The following WBP11 variants were observed in gnomAD, a reference collection of about 807,000 sequenced individuals.
The protein encoded by WBP11 is WW domain binding protein 11.
WBP11 carries 12 observed loss-of-function variants against 66.7 expected under a neutral mutation model. The observed-to-expected ratio is 0.18, with a 90% CI of 0.12 to 0.29. The LOEUF (loss-of-function observed/expected upper bound fraction) is 0.29, where lower values mean the gene tolerates loss of function less well. Ranked by LOEUF, WBP11 falls within the 10% of genes least tolerant of loss-of-function variation. WBP11 has a pLI of 1.00. For missense variants in WBP11, 555 were observed against 818.3 expected (o/e 0.68, Z 3.93); for synonymous variants, 255 against 273.8 (o/e 0.93, Z 0.68).
intron 11 of WBP11, 66 bp downstream of exon 11, chr12:14,788,885 A>G (rs567430352): frequency 7.7e-5 from 67 of 865,478 alleles, no homozygotes; most frequent in African/African-American, 6.7e-4. Flanking sequence ...AAATGTGACC[A>G]TATGTCTTAG....
chr12:14,803,316 G>T, intron 1 of WBP11, 36 bp downstream of exon 1: 1 of 397,726 alleles, frequency 2.5e-6, no homozygotes, highest in Non-Finnish European at 4.4e-6. Context: ...GACGAAAGAG[G>T]TGAGGAAGAG....
chr12:14,798,053 T>C (rs999576729), intron 4 of WBP11, among the ~76,000 whole-genome samples: 1 of 152,240 alleles, frequency 6.6e-6, no homozygotes, highest in Non-Finnish European at 1.5e-5. Context: ...TTATAAATTG[T>C]AACTAGACCC....
chr12:14,789,258 GAAACA>G (rs1424662948), intron 10 of WBP11, 125 bp from the exon 11 acceptor site: 38 of 882,908 alleles, frequency 4.3e-5, no homozygotes, highest in Non-Finnish European at 6.3e-5. Context: ...AGAAGTTAAT[GAAACA>G]TACATGGAAA....
intron 3 of WBP11, among the ~76,000 whole-genome samples, chr12:14,800,039 T>C (rs1949941054): frequency 6.6e-6 from 1 of 152,182 alleles, no homozygotes; most frequent in Non-Finnish European, 1.5e-5. Context: ...CCTTGGGTGA[T>C]TGTTCCTGCC....
At chr12:14,800,635 G>T in intron 3 of WBP11, 117 bp downstream of exon 3, 1 of 1,007,672 alleles carries the variant, frequency 9.9e-7, no homozygotes, top group Non-Finnish European at 1.5e-6. Context: ...TTTATAAAAA[G>T]CATAAAGTAC....
At chr12:14,801,031 A>G in intron 2 of WBP11, 2 of 473,218 alleles carry the variant, frequency 4.2e-6, no homozygotes, top group Non-Finnish European at 7.4e-6. Flanking sequence ...AACATAACAT[A>G]AAACGCGAAA....
At chr12:14,794,875 A>C in intron 6 of WBP11, 96 bp downstream of exon 6, 1 of 1,599,392 alleles carries the variant, frequency 6.3e-7, no homozygotes. Flanking sequence ...GTTTACATCC[A>C]TATTGTCTTT....
chr12:14,794,756 A>G lies in WBP11; in HGVS notation c.522-20T>C. ...GGAGGTCTGTTAAAAAAAAAAACAA[A>G]AACAAAAAAACCCCCACAGTAATCA... On this transcript the variant is annotated intron_variant, in intron 6 of 11. Coordinates refer to ENST00000261167, the MANE Select transcript of WBP11 (RefSeq NM_016312.3). The G allele has an allele frequency of 6.5e-7, 1 of 1,535,140 alleles. No homozygotes were observed. The highest frequency in any genetic ancestry group is 1.3e-5 in the South Asian group (1 of 76,846).
chr12:14,785,413 T>TA lies in WBP11; in HGVS notation c.*1651_*1652insT, dbSNP rs1949742153. 6.6e-6 allele frequency: 1 copy of TA among 152,220 alleles called. No homozygotes were observed. The highest frequency in any genetic ancestry group is 1.5e-5 in the Non-Finnish European group (1 of 68,032). The allele number at this position is 152,220 out of a possible 1,614,324, so 9.4% of individuals were successfully genotyped here. On this transcript the variant is annotated 3_prime_UTR_variant, in exon 12 of 12. Coordinates refer to ENST00000261167, the MANE Select transcript of WBP11 (RefSeq NM_016312.3). ...TATTGATACCATATGGTTTGATCCTTGATATCCGTAAGTTATCAAGGATGG... is the reference window on the plus strand; with the variant it reads ...TATTGATACCATATGGTTTGATCCTTAGATATCCGTAAGTTATCAAGGATGG...
At chr12:14,799,781 C>T (rs1949937632) in intron 3 of WBP11, 53 bp from the exon 4 acceptor site, 21 of 1,527,466 alleles carry the variant, frequency 1.4e-5, no homozygotes, top group Non-Finnish European at 1.9e-5. Flanking sequence ...AGGAGTTTTA[C>T]TTCAACTTGC....
chr12:14,794,448 T>G lies in WBP11; in HGVS notation c.721+89A>C, dbSNP rs887460021. 45 of 1,426,184 alleles carry G rather than the reference T, an allele frequency of 3.2e-5. No homozygotes were observed. The South Asian group carries it at 3.9e-4, about 12-fold the overall frequency. 88.3% of individuals were successfully genotyped at this position (1,426,184 alleles called of 1,614,324 possible). On this transcript the variant is annotated intron_variant, in intron 7 of 11. Transcript: ENST00000261167. ...GTACATGATACCCTCTCATTTACTT[T>G]CTAAGTTCTGAGGGTGGTGAACAAT...
At chr12:14,800,826 T>C (rs1949953981) in intron 2 of WBP11, 43 bp from the exon 3 acceptor site, 1 of 1,517,394 alleles carries the variant, frequency 6.6e-7, no homozygotes, top group Non-Finnish European at 9.0e-7. Context: ...CTTTGAATCT[T>C]GAACATTAGC....
chr12:14,796,688 T>G lies in WBP11; in HGVS notation c.387+119A>C. The stretch of plus-strand genomic sequence containing the variant: ...AAATATACACAAAAACAAAACAAAA[T>G]ATAAAAAAAACCCAACAACCCTAAA... On this transcript the variant is annotated intron_variant, in intron 5 of 11. Coordinates refer to ENST00000261167, the MANE Select transcript of WBP11 (RefSeq NM_016312.3). This position sits in a 1 kb window ranked among gnomAD's most constrained non-coding sequence, Gnocchi z 4.5. 2 of 946,842 alleles carry G rather than the reference T, an allele frequency of 2.1e-6. No homozygotes were observed. Among genetic ancestry groups the G allele is most frequent in the Non-Finnish European group, 3.0e-6 (2 of 676,832 alleles). The allele number at this position is 946,842 out of a possible 1,614,324, so 58.7% of individuals were successfully genotyped here.
chr12:14,787,338 T>TGCA lies in WBP11; in HGVS notation c.1650_1652dup (p.Ala552dup). 1 of 1,613,532 alleles carries TGCA rather than the reference T, an allele frequency of 6.2e-7. No homozygotes were observed. Among genetic ancestry groups the TGCA allele is most frequent in the Non-Finnish European group, 8.5e-7 (1 of 1,179,464 alleles). ...CTGTGGCTTTCTTCTCAATGGTGGC[T>TGCA]GCACTTGTATCATCCGCCTTGGGTC... On this transcript the variant is annotated inframe_insertion, in exon 12 of 12. Transcript: ENST00000261167.
In WBP11 at chr12:14,790,471, G is replaced by C. The variant is rs761085232; in HGVS notation, c.1294C>G (p.Pro432Ala). ...AAGTGTTTACCTGGAGGTGGACCAGGAGGAAGGCCTGTAGGTGGCCCAGGA... is the reference window on the plus strand; with the variant it reads ...AAGTGTTTACCTGGAGGTGGACCAGCAGGAAGGCCTGTAGGTGGCCCAGGA... Reference protein sequence around the residue: ...RPPGPPTGLPPGPPPGAPPFL... With the variant: ...RPPGPPTGLPAGPPPGAPPFL... The change falls in exon 10 of 12, where the codon CCT (proline) becomes GCT (alanine). Residue 432 changes from proline to alanine, a missense_variant. Physicochemically the swap from Pro to Ala is conservative, Grantham distance 27. Around this residue, in one of 6 missense-constraint regions of WBP11, gnomAD observed 230 missense variants for 286.3 expected, o/e 0.80. Transcript: ENST00000261167. The C allele has an allele frequency of 1.2e-6, 2 of 1,613,850 alleles. No individual in the cohort carries two copies. The highest frequency in any genetic ancestry group is 1.1e-5 in the South Asian group (1 of 91,072).
chr12:14,792,089 C>A (rs1371266789), intron 8 of WBP11, among the ~76,000 whole-genome samples: 1 of 152,016 alleles, frequency 6.6e-6, no homozygotes, highest in Non-Finnish European at 1.5e-5. Flanking sequence ...CATTAAAGAA[C>A]TCATCCATGT....
intron 2 of WBP11, 176 bp from the exon 3 acceptor site, chr12:14,800,959 CA>C: frequency 2.0e-6 from 1 of 506,072 alleles, no homozygotes; most frequent in Non-Finnish European, 3.4e-6. Flanking sequence ...TTATGACAAC[CA>C]AAAATGTCAA....
chr12:14,794,754 A>G lies in WBP11; in HGVS notation c.522-18T>C, dbSNP rs748141373. 17 of 1,533,424 alleles carry G rather than the reference A, an allele frequency of 1.1e-5. No individual in the cohort carries two copies. The East Asian group carries it at 2.5e-4, about 22-fold the overall frequency. 95.0% of individuals were successfully genotyped at this position (1,533,424 alleles called of 1,614,324 possible). A position where few individuals can be genotyped will look rare whatever the true frequency, so the allele number is the denominator to read the frequency against. On this transcript the variant is annotated intron_variant, in intron 6 of 11. Coordinates refer to ENST00000261167, the MANE Select transcript of WBP11 (RefSeq NM_016312.3). ...TTGGAGGTCTGTTAAAAAAAAAAACAAAAACAAAAAAACCCCCACAGTAAT... is the reference window on the plus strand; with the variant it reads ...TTGGAGGTCTGTTAAAAAAAAAAACGAAAACAAAAAAACCCCCACAGTAAT...
chr12:14,797,522 A>G (rs1949907750), intron 4 of WBP11, among the ~76,000 whole-genome samples: 1 of 152,202 alleles, frequency 6.6e-6, no homozygotes, highest in Non-Finnish European at 1.5e-5. Context: ...TGGCCTAGCT[A>G]CTATACAATC....
Sources: allele counts gnomAD v4.1 joint callset (sites outside exome capture counted in the v4.1 genomes callset), GRCh38; gene constraint gnomAD v4.1.1; regional missense constraint gnomAD v4.1.1; non-coding constraint Gnocchi (gnomAD v3.1); transcripts MANE v1.5; gene names NCBI Gene and HGNC (gene_info 2026-07-23, HGNC 2026-07-21).